Variants in MYH14 observed in about 807,000 individuals in gnomAD.
The protein encoded by MYH14 is myosin heavy chain 14.
A neutral mutation model predicts 255.5 loss-of-function variants in MYH14; 123 were observed. The observed-to-expected ratio is 0.48, with a 90% CI of 0.42 to 0.56. The LOEUF is 0.56. Among genes scored for constraint, MYH14 ranks in the 20% least tolerant of loss-of-function variants. MYH14 has a pLI of 0.00. For synonymous variants in MYH14, 1,095 were observed against 1,161.2 expected (o/e 0.94, Z 1.16); for missense variants, 2,423 against 2,802.3 (o/e 0.86, Z 3.06).
chr19:50,243,675 G>A (rs946006196), intron 10 of MYH14, among the ~76,000 whole-genome samples: 4 of 152,168 alleles, frequency 2.6e-5, no homozygotes, highest in African/African-American at 9.7e-5. Flanking sequence ...CACAAGAATC[G>A]ACTATACTTT....
At position 50,276,114 on chromosome 19, in the gene MYH14, G is replaced by A. The variant is rs1256859089; in HGVS notation, c.3591G>A (p.Lys1197=). Residue 1197 remains lysine, a synonymous_variant, in exon 28 of 43, where the codon AAG becomes AAA. Coordinates refer to ENST00000642316, the MANE Select transcript of MYH14 (RefSeq NM_001145809.2). The surrounding 1 kb of genome is among the most constrained non-coding windows in gnomAD (Gnocchi z 4.3). Reference sequence around the variant, plus strand: ...GTGTGGCCAGGACCAAGGCGGAGAAGCAGCGCCGGGACCTGGGCGAGGAGC... The same window carrying A: ...GTGTGGCCAGGACCAAGGCGGAGAAACAGCGCCGGGACCTGGGCGAGGAGC... ...SERVARTKAE[K]QRRDLGEELE... 13 of 1,601,744 alleles carry A rather than the reference G, an allele frequency of 8.1e-6. No homozygotes were observed. The highest frequency in any genetic ancestry group is 1.1e-5 in the Non-Finnish European group (13 of 1,175,114).
chr19:50,264,526 G>A (rs2035012056), intron 22 of MYH14, among the ~76,000 whole-genome samples: 1 of 152,224 alleles, frequency 6.6e-6, no homozygotes, highest in Non-Finnish European at 1.5e-5. Context: ...AATGTGTGGG[G>A]TTTGGACAAC....
intron 7 of MYH14, 117 bp downstream of exon 7, chr19:50,225,794 C>G (rs537734561): frequency 3.9e-6 from 2 of 509,592 alleles, no homozygotes; most frequent in Admixed American, 2.6e-5. Flanking sequence ...GGCTGGGGGT[C>G]TGGACTCTTG....
At chr19:50,298,918 C>T (rs960920355) in intron 39 of MYH14, among the ~76,000 whole-genome samples, 1 of 151,950 alleles carries the variant, frequency 6.6e-6, no homozygotes, top group East Asian at 1.9e-4. Flanking sequence ...CCTGTCCCTA[C>T]CAAAAACAAC....
rs909579603 is a variant in MYH14 at position 50,271,390 on chromosome 19, T to C, written c.3034-19T>C. The C allele has an allele frequency of 1.3e-6, 2 of 1,592,372 alleles. No homozygotes were observed. Among genetic ancestry groups the C allele is most frequent in the Non-Finnish European group, 1.7e-6 (2 of 1,170,046 alleles). ...TCTATTGGCCCAGTATCCTCACTCC[T>C]CCTGCCTTCCCACCCCAGGAGCTAG... On this transcript the variant is annotated intron_variant, in intron 24 of 42. Transcript: ENST00000642316.
intron 10 of MYH14, among the ~76,000 whole-genome samples, chr19:50,236,006 G>T (rs1304410330): frequency 1.4e-5 from 2 of 147,358 alleles, no homozygotes; most frequent in African/African-American, 5.0e-5. Flanking sequence ...GCCTTAGGTT[G>T]TTTCCATTCC....
At chr19:50,307,838 C>T (rs1195889603) in intron 41 of MYH14, among the ~76,000 whole-genome samples, 1 of 152,212 alleles carries the variant, frequency 6.6e-6, no homozygotes, top group Non-Finnish European at 1.5e-5. Context: ...TGGACAGAGT[C>T]CCTCTGCCCT....
chr19:50,265,361 A>C (rs1409881352), intron 22 of MYH14, among the ~76,000 whole-genome samples: 3 of 151,782 alleles, frequency 2.0e-5, no homozygotes, highest in Non-Finnish European at 2.9e-5. Flanking sequence ...AAAAAAAAAA[A>C]AACAAAAACA....
intron 10 of MYH14, among the ~76,000 whole-genome samples, chr19:50,236,993 G>C (rs1182970348): frequency 1.3e-5 from 2 of 152,018 alleles, no homozygotes; most frequent in Non-Finnish European, 2.9e-5. Flanking sequence ...TTCTGCTTTC[G>C]GTCTCTATGG....
At chr19:50,249,417 TC>T (rs2123304545) in intron 13 of MYH14, 2 of 594,848 alleles carry the variant, frequency 3.4e-6, no homozygotes, top group East Asian at 3.0e-5. Context: ...TGCATCTCTG[TC>T]CCCTGTCTCT....
rs549976541 is a variant in MYH14, at chr19:50,207,845, C to G, written c.-3-2518C>G. On this transcript the variant is annotated intron_variant, in intron 1 of 42. Coordinates refer to ENST00000642316, the MANE Select transcript of MYH14 (RefSeq NM_001145809.2). ...CCCCTCTCTTACATCCCCTCCCACC[C>G]TCTGCCCCTCGATCATTTGGCTCTA... is the stretch of plus-strand genomic sequence containing the variant. Among the ~76,000 whole-genome samples, 16 of 152,312 alleles carry G rather than the reference C, an allele frequency of 1.1e-4. No individual in the cohort carries two copies. In the South Asian group the frequency reaches 2.7e-3, roughly 26 times the overall value.
rs528504463 is a variant in MYH14 at position 50,209,636 on chromosome 19, T to C, written c.-3-727T>C. Among the ~76,000 whole-genome samples, 634 of 150,724 alleles carry C rather than the reference T, an allele frequency of 4.2e-3. 7 individuals are homozygous for C. The highest frequency in any genetic ancestry group is 0.015 in the African/African-American group (607 of 40,922). On this transcript the variant is annotated intron_variant, in intron 1 of 42. Transcript: ENST00000642316. Reference sequence around the variant, plus strand: ...TGTCTCTACTAAAAATAGAAAACAATAGCCGGGTATGGTGGCAGGCGCCTG... The same window carrying C: ...TGTCTCTACTAAAAATAGAAAACAACAGCCGGGTATGGTGGCAGGCGCCTG...
intron 16 of MYH14, among the ~76,000 whole-genome samples, chr19:50,254,215 C>T (rs1239246434): frequency 2.4e-4 from 32 of 134,150 alleles, no homozygotes; most frequent in Admixed American, 1.1e-3. Flanking sequence ...GAAACTCTGT[C>T]TCAAAAAAAA....
intron 2 of MYH14, among the ~76,000 whole-genome samples, chr19:50,212,063 C>G (rs959303155): frequency 6.6e-6 from 1 of 152,276 alleles, no homozygotes; most frequent in East Asian, 1.9e-4. Flanking sequence ...AGTCTTCCCA[C>G]GTCTGTGCTA....
chr19:50,306,072 A>T (rs1237884088), intron 40 of MYH14, among the ~76,000 whole-genome samples: 1 of 152,124 alleles, frequency 6.6e-6, no homozygotes, highest in African/African-American at 2.4e-5. Flanking sequence ...TGAGGTTGGG[A>T]GTTCGAGACC....
chr19:50,233,652 C>T (rs1176393045), intron 10 of MYH14, among the ~76,000 whole-genome samples: 1 of 152,070 alleles, frequency 6.6e-6, no homozygotes, highest in Non-Finnish European at 1.5e-5. Context: ...TGGTTCATCC[C>T]GGGAGAATCG....
intron 39 of MYH14, 48 bp from the exon 40 acceptor site, chr19:50,301,613 T>C (rs1404299240): frequency 6.7e-7 from 1 of 1,497,098 alleles, no homozygotes; most frequent in African/African-American, 1.4e-5. Flanking sequence ...CCTACCACCT[T>C]CCCTCTGAGA....
chr19:50,291,445 C>T (rs902381471), intron 36 of MYH14, among the ~76,000 whole-genome samples: 3 of 151,954 alleles, frequency 2.0e-5, no homozygotes, highest in Non-Finnish European at 2.9e-5. Context: ...GGATTACAGG[C>T]GTGCGCCATA....
At chr19:50,259,083 G>C (rs1436999481) in intron 18 of MYH14, 61 bp from the exon 19 acceptor site, 1 of 1,521,682 alleles carries the variant, frequency 6.6e-7, no homozygotes, top group African/African-American at 1.4e-5. Context: ...TGCCAAGCTT[G>C]ACCGTTTGGC....
Sources: allele counts gnomAD v4.1 joint callset (sites outside exome capture counted in the v4.1 genomes callset), GRCh38; gene constraint gnomAD v4.1.1; non-coding constraint Gnocchi (gnomAD v3.1); transcripts MANE v1.5; gene names NCBI Gene and HGNC (gene_info 2026-07-23, HGNC 2026-07-21).